CPAMD8: variants seen among roughly 807,000 people sequenced by gnomAD.
CPAMD8 encodes the protein C3 and PZP like alpha-2-macroglobulin domain containing 8.
In CPAMD8, 146 loss-of-function variants were observed where a neutral mutation model predicts 224.7. The observed-to-expected ratio is 0.65, with a 90% CI of 0.57 to 0.75. CPAMD8 has a LOEUF of 0.75. Among genes scored for constraint, CPAMD8 ranks in the 30% least tolerant of loss-of-function variants. CPAMD8 has a pLI of 0.00. For missense variants in CPAMD8, 2,301 were observed against 2,537.5 expected, an observed-to-expected ratio of 0.91 and a Z score of 2.00; for synonymous variants, 966 against 1,044.6, an observed-to-expected ratio of 0.92 and a Z score of 1.45.
At chr19:16,948,834 A>G (rs2054192379) in intron 20 of CPAMD8, among the ~76,000 whole-genome samples, 1 of 122,782 alleles carries the variant, frequency 8.1e-6, no homozygotes, top group Non-Finnish European at 1.7e-5. Flanking sequence ...AAGGGAAGGG[A>G]GGAGAAGGGA....
At chr19:16,967,925 ATG>A (rs1555779348) in intron 18 of CPAMD8, among the ~76,000 whole-genome samples, 1 of 97,820 alleles carries the variant, frequency 1.0e-5, no homozygotes, top group African/African-American at 3.0e-5. Context: ...ATACACACAC[ATG>A]TGTGTATATA....
intron 29 of CPAMD8, among the ~76,000 whole-genome samples, chr19:16,907,980 A>G (rs1228246070): frequency 6.6e-6 from 1 of 152,190 alleles, no homozygotes; most frequent in Admixed American, 6.5e-5. Context: ...GTGCATGGCA[A>G]ATGAGCACAG....
At chr19:16,956,189 C>A (rs1227029907) in intron 19 of CPAMD8, among the ~76,000 whole-genome samples, 1 of 152,152 alleles carries the variant, frequency 6.6e-6, no homozygotes, top group African/African-American at 2.4e-5. Flanking sequence ...GTCTCATACT[C>A]CCTGCATCCT....
At chr19:16,917,091 T>C (rs2052991176) in intron 27 of CPAMD8, among the ~76,000 whole-genome samples, 1 of 152,148 alleles carries the variant, frequency 6.6e-6, no homozygotes, top group African/African-American at 2.4e-5. Flanking sequence ...TATCAAGTGA[T>C]AAAAAGAAAT....
In CPAMD8 at chr19:16,955,677, G is replaced by T. The variant is rs556956651; in HGVS notation, c.2276+2176C>A. On this transcript the variant is annotated intron_variant, in intron 19 of 41. Transcript: ENST00000443236. Reference sequence around the variant, plus strand: ...TAATTTTTTAAACCAATTCATTTTTGAATCATTTTCCCTTTTTGAGACAGG... The same window carrying T: ...TAATTTTTTAAACCAATTCATTTTTTAATCATTTTCCCTTTTTGAGACAGG... 7.8e-4 allele frequency among the ~76,000 whole-genome samples: 118 copies of T among 152,122 alleles called. 1 individual carries two copies. Among genetic ancestry groups the T allele is most frequent in the African/African-American group, 2.6e-3 (106 of 41,482 alleles).
In CPAMD8 at chr19:16,998,099, T is replaced by C. The variant is rs533715575; in HGVS notation, c.868-761A>G. The stretch of plus-strand genomic sequence containing the variant: ...GGAGAATGGCTGGGATTCTCCAAGG[T>C]GCCAGTGTCAGGAATGGGAAAGGTA... On this transcript the variant is annotated intron_variant, in intron 10 of 41. Coordinates refer to ENST00000443236, the MANE Select transcript of CPAMD8 (RefSeq NM_015692.5). Among the ~76,000 whole-genome samples the C allele has an allele frequency of 3.1e-3, 469 of 152,264 alleles. 1 individual carries two copies. The highest frequency in any genetic ancestry group is 0.014 in the Middle Eastern group (4 of 294).
chr19:17,009,387 A>C (rs1270248966), intron 5 of CPAMD8, 67 bp from the exon 6 acceptor site: 1,026 of 1,607,512 alleles, frequency 6.4e-4, no homozygotes, highest in Non-Finnish European at 8.0e-4. Context: ...CAACATGCTC[A>C]TGCATGGCCT....
intron 30 of CPAMD8, among the ~76,000 whole-genome samples, chr19:16,905,065 A>G (rs1418931503): frequency 6.6e-6 from 1 of 150,964 alleles, no homozygotes; most frequent in Non-Finnish European, 1.5e-5. Flanking sequence ...ACATGGTGAA[A>G]TCCCATCTCT....
chr19:16,905,569 G>GA (rs397955787), intron 30 of CPAMD8, among the ~76,000 whole-genome samples: 4,417 of 92,792 alleles, frequency 0.048, 103 homozygotes, highest in African/African-American at 0.075. Flanking sequence ...AGGAAGAAAA[G>GA]AAAAAAAAAA....
chr19:17,009,442 C>A (rs1444552204), intron 5 of CPAMD8, 122 bp from the exon 6 acceptor site: 5 of 1,526,702 alleles, frequency 3.3e-6, no homozygotes, highest in Non-Finnish European at 3.6e-6. Context: ...AAACAGTGTC[C>A]CCCTAGATTA....
chr19:16,898,018 G>T lies in CPAMD8; in HGVS notation c.4849-24C>A, dbSNP rs781062124. 3 of 1,579,180 alleles carry T rather than the reference G, an allele frequency of 1.9e-6. No individual in the cohort carries two copies. The South Asian group carries it at 3.4e-5, about 18-fold the overall frequency. ...ATCTGTGGGGCAGCGGCGGGCGCAGGCTCGACCCGGGCCAGGAGGCCCGGG... is the reference window on the plus strand; with the variant it reads ...ATCTGTGGGGCAGCGGCGGGCGCAGTCTCGACCCGGGCCAGGAGGCCCGGG... On this transcript the variant is annotated intron_variant, in intron 37 of 41. Coordinates refer to ENST00000443236, the MANE Select transcript of CPAMD8 (RefSeq NM_015692.5). This position sits in a 1 kb window ranked among gnomAD's most constrained non-coding sequence, Gnocchi z 4.2.
Position 17,009,284 on chromosome 19 carries a change from A to G in CPAMD8, c.504+19T>C, listed in dbSNP as rs779802178. ...CCCGGGCCCCAAGTCCAAGCCGAGGAAGGACAGAGGCCACTCACCAGGATG... is the reference window on the plus strand; with the variant it reads ...CCCGGGCCCCAAGTCCAAGCCGAGGGAGGACAGAGGCCACTCACCAGGATG... On this transcript the variant is annotated intron_variant, in intron 6 of 41. Transcript: ENST00000443236. 26 of 1,614,028 alleles carry G rather than the reference A, an allele frequency of 1.6e-5. No homozygotes were observed. The highest frequency in any genetic ancestry group is 2.0e-5 in the Non-Finnish European group (24 of 1,179,926).
chr19:16,985,556 AAAGG>A (rs1177187017), intron 13 of CPAMD8, among the ~76,000 whole-genome samples: 3 of 143,808 alleles, frequency 2.1e-5, no homozygotes, highest in Non-Finnish European at 3.0e-5. Flanking sequence ...ATGGGTGGAG[AAAGG>A]AAGGAAGGGA....
intron 22 of CPAMD8, among the ~76,000 whole-genome samples, chr19:16,939,064 G>A (rs1311814945): frequency 6.6e-6 from 1 of 152,216 alleles, no homozygotes; most frequent in Non-Finnish European, 1.5e-5. Flanking sequence ...CCCTGTGGGG[G>A]CCCTTGGATC....
intron 27 of CPAMD8, among the ~76,000 whole-genome samples, chr19:16,918,767 T>C (rs1020232352): frequency 4.8e-5 from 6 of 125,068 alleles, no homozygotes; most frequent in Admixed American, 4.2e-4. Flanking sequence ...TTTTTTTTTT[T>C]CTGAATAGTT....
At chr19:16,985,147 T>C (rs1021146944) in intron 13 of CPAMD8, among the ~76,000 whole-genome samples, 1 of 152,164 alleles carries the variant, frequency 6.6e-6, no homozygotes, top group African/African-American at 2.4e-5. Context: ...TGAAGCACTA[T>C]CATGTTTGTA....
intron 12 of CPAMD8, among the ~76,000 whole-genome samples, chr19:16,992,679 T>C (rs2055995901): frequency 6.6e-6 from 1 of 152,182 alleles, no homozygotes; most frequent in South Asian, 2.1e-4. Context: ...CTCAAACTCC[T>C]GACCTCAGGT....
At chr19:16,977,101 C>T (rs1014744930) in intron 15 of CPAMD8, among the ~76,000 whole-genome samples, 5 of 151,968 alleles carry the variant, frequency 3.3e-5, no homozygotes, top group African/African-American at 1.2e-4. Context: ...CTGAGGGTGC[C>T]AATGGAAACA....
chr19:17,010,701 CA>C (rs2056621373), intron 5 of CPAMD8, among the ~76,000 whole-genome samples: 1 of 152,076 alleles, frequency 6.6e-6, no homozygotes, highest in Non-Finnish European at 1.5e-5. Flanking sequence ...TATACATATA[CA>C]GACAGAGAGA....
Sources: gnomAD v4.1 joint callset for allele counts (sites outside exome capture counted in the v4.1 genomes callset) on GRCh38, gnomAD v4.1.1 for gene constraint, Gnocchi (gnomAD v3.1) non-coding constraint, MANE v1.5 for transcripts, NCBI Gene and HGNC (gene_info 2026-07-23, HGNC 2026-07-21) for gene names.